Variants in AHNAK2 observed in about 807,000 individuals in gnomAD.
AHNAK2 encodes the protein protein AHNAK2.
In AHNAK2, 18 loss-of-function variants were observed where a neutral mutation model predicts 30.7. The ratio of observed to expected loss-of-function variants is 0.59; its 90% CI spans 0.41 to 0.87. AHNAK2 has a LOEUF of 0.87. Among genes scored for constraint, AHNAK2 ranks in the 40% least tolerant of loss-of-function variants. The pLI is 0.00. For missense variants in AHNAK2, 8,604 were observed against 7,373.0 expected (o/e 1.17, Z -6.11); for synonymous variants, 3,590 against 3,073.8 (o/e 1.17, Z -5.56).
Position 104,942,173 on chromosome 14 carries a change from C to T in AHNAK2, c.13278G>A (p.Leu4426=), listed in dbSNP as rs1898021341. ...CTTGGATGTCCACCTCCATGCTGGGCAGAGACACGTCCAGGTTGGGGGACG... is the reference window on the plus strand; with the variant it reads ...CTTGGATGTCCACCTCCATGCTGGGTAGAGACACGTCCAGGTTGGGGGACG... ...EVTSPNLDVS[L]PSMEVDIQAP... is the part of the protein sequence containing the mutation. The change falls in exon 7 of 7, where the codon CTG becomes CTA. Residue 4426 remains leucine (L), a synonymous_variant. Coordinates refer to ENST00000333244, the MANE Select transcript of AHNAK2 (RefSeq NM_138420.4). The T allele has an allele frequency of 6.2e-7, 1 of 1,613,060 alleles. No individual in the cohort carries two copies. The highest frequency in any genetic ancestry group is 1.7e-5 in the Admixed American group (1 of 59,940).
chr14:104,943,592 G>A lies in AHNAK2; in HGVS notation c.11859C>T (p.Asp3953=). 6.2e-7 allele frequency: 1 copy of A among 1,613,086 alleles called. No homozygotes were observed. Among genetic ancestry groups the A allele is most frequent in the Non-Finnish European group, 8.5e-7 (1 of 1,179,628 alleles). ...AKLDGARLEG[D]LSLADKDMTA... ...TCATGTCCTTGTCGGCCAGGGACAG[G>A]TCCCCCTCCAGCCGCGCACCATCCA... Residue 3953 remains aspartate, a synonymous_variant, in exon 7 of 7, where the codon GAC becomes GAT. Transcript: ENST00000333244.
chr14:104,951,751 C>T lies in AHNAK2; in HGVS notation c.3700G>A (p.Gly1234Ser). Residue 1234 changes from glycine (G) to serine (S), a missense_variant, in exon 7 of 7, where the codon GGC (glycine) becomes AGC (serine). Gly to Ser is a moderately conservative substitution (Grantham distance 56). Transcript: ENST00000333244. The part of the protein sequence containing the change: ...AGQVDVKLLE[G>S]HVPEGAGFKG... ...AAGCCGGCTCCCTCAGGCACGTGGC[C>T]CTCCAGGAGCTTCACGTCCACCTGG... 4 of 1,261,990 alleles carry T rather than the reference C, an allele frequency of 3.2e-6. 1 individual carries two copies. Among genetic ancestry groups the T allele is most frequent in the Non-Finnish European group, 2.2e-6 (2 of 891,134 alleles). The allele number at this position is 1,261,990 out of a possible 1,614,324, so 78.2% of individuals were successfully genotyped here.
At chr14:104,974,265 G>A (rs986690633) in intron 1 of AHNAK2, among the ~76,000 whole-genome samples, 2 of 152,180 alleles carry the variant, frequency 1.3e-5, no homozygotes, top group Admixed American at 6.5e-5. Context: ...TTAAGCCTCC[G>A]CTAAGCTCCC....
In AHNAK2 at chr14:104,942,132, A is replaced by C; in HGVS notation, c.13319T>G (p.Leu4440Arg). ...GTCCCCCTCCAGCCGCGTACTGTCC[A>C]GCTTGGCTCCTGGGGCTTGGATGTC... The part of the protein sequence containing the change: ...EVDIQAPGAK[L>R]DSTRLEGDLS... The change falls in exon 7 of 7, where the codon CTG (leucine) becomes CGG (arginine). Residue 4440 changes from leucine to arginine, a missense_variant. By Grantham distance (102) the Leu-to-Arg change is moderately radical. Transcript: ENST00000333244. 1 of 1,613,172 alleles carries C rather than the reference A, an allele frequency of 6.2e-7. No individual in the cohort carries two copies. Among genetic ancestry groups the C allele is most frequent in the Non-Finnish European group, 8.5e-7 (1 of 1,179,716 alleles).
chr14:104,943,554 C>T lies in AHNAK2; in HGVS notation c.11897G>A (p.Ser3966Asn), dbSNP rs1189476487. The part of the protein sequence containing the change: ...LADKDMTAKD[S>N]KFKMPKFKMP... ...CTTGAACTTGGGCATTTTGAACTTG[C>T]TGTCTTTGGCCGTCATGTCCTTGTC... Residue 3966 changes from serine (S) to asparagine (N), a missense_variant, in exon 7 of 7, where the codon AGC (serine) becomes AAC (asparagine). By Grantham distance (46) the Ser-to-Asn change is conservative. Coordinates refer to ENST00000333244, the MANE Select transcript of AHNAK2 (RefSeq NM_138420.4). 2 of 1,613,000 alleles carry T rather than the reference C, an allele frequency of 1.2e-6. No individual in the cohort carries two copies. Among genetic ancestry groups the T allele is most frequent in the African/African-American group, 2.7e-5 (2 of 74,706 alleles).
At position 104,952,491 on chromosome 14, in the gene AHNAK2, G is replaced by T; in HGVS notation, c.2960C>A (p.Ala987Asp). ...GAWLEGDLSL[A>D]DKDVTAKDSK... ...GTCTTTGGCAGTCACGTCCTTGTCG[G>T]CCAGGGACAGGTCCCCCTCCAGCCA... Residue 987 changes from alanine (A) to aspartate (D), a missense_variant, in exon 7 of 7, where the codon GCC (alanine) becomes GAC (aspartate). Physicochemically the swap from Ala to Asp is moderately radical, Grantham distance 126. Coordinates refer to ENST00000333244, the MANE Select transcript of AHNAK2 (RefSeq NM_138420.4). 6.2e-7 allele frequency: 1 copy of T among 1,612,730 alleles called. No individual in the cohort carries two copies. The highest frequency in any genetic ancestry group is 8.5e-7 in the Non-Finnish European group (1 of 1,179,622).
rs759261663 is a variant in AHNAK2, at chr14:104,938,200, T to C, written c.17251A>G (p.Ile5751Val). 6.2e-7 allele frequency: 1 copy of C among 1,613,932 alleles called. No homozygotes were observed. The highest frequency in any genetic ancestry group is 1.3e-5 in the African/African-American group (1 of 75,052). The stretch of plus-strand genomic sequence containing the variant: ...TCCAGCCCAGTGCCCACAGGCCCGA[T>C]CAGTTCACCCTCTTCCTTCTCTTCA... Reference protein sequence around the residue: ...SPEEKEEGELIGPVGTGLDSR... With the variant: ...SPEEKEEGELVGPVGTGLDSR... Residue 5751 changes from isoleucine to valine, a missense_variant, in exon 7 of 7, where the codon ATC (isoleucine) becomes GTC (valine). Transcript: ENST00000333244.
At chr14:104,956,784 C>T in intron 3 of AHNAK2, 95 bp from the exon 4 acceptor site, 2 of 1,121,160 alleles carry the variant, frequency 1.8e-6, no homozygotes, top group Middle Eastern at 2.0e-4. Context: ...GCCCTCCCTT[C>T]AGAGGGGCCC....
At chr14:104,976,226 T>C (rs1899587049) in intron 1 of AHNAK2, among the ~76,000 whole-genome samples, 1 of 151,644 alleles carries the variant, frequency 6.6e-6, no homozygotes, top group African/African-American at 2.4e-5. Context: ...CCACTGGGAG[T>C]GAACTGGCTG....
At chr14:104,958,566 T>C (rs1219264786) in intron 1 of AHNAK2, among the ~76,000 whole-genome samples, 1 of 149,462 alleles carries the variant, frequency 6.7e-6, no homozygotes, top group Non-Finnish European at 1.5e-5. Context: ...ATAAAACTTA[T>C]TTTTTAAAAG....
At position 104,952,650 on chromosome 14, in the gene AHNAK2, G is replaced by C; in HGVS notation, c.2801C>G (p.Pro934Arg). Residue 934 changes from proline (P) to arginine (R), a missense_variant, in exon 7 of 7, where the codon CCC becomes CGC. Transcript: ENST00000333244. Reference sequence around the variant, plus strand: ...CTTGGGGCCCTTAACATCTATCTGGGGGCCCTTGAGGTCCACTTTGGGCAT... The same window carrying C: ...CTTGGGGCCCTTAACATCTATCTGGCGGCCCTTGAGGTCCACTTTGGGCAT... ...FKMPKVDLKG[P>R]QIDVKGPKLD... is the part of the protein sequence containing the mutation. 1 of 1,612,254 alleles carries C rather than the reference G, an allele frequency of 6.2e-7. No individual in the cohort carries two copies. Among genetic ancestry groups the C allele is most frequent in the Non-Finnish European group, 8.5e-7 (1 of 1,179,502 alleles).
At chr14:104,955,330 C>A (rs1297603925) in intron 5 of AHNAK2, 153 bp downstream of exon 5, 2 of 1,303,752 alleles carry the variant, frequency 1.5e-6, no homozygotes, top group African/African-American at 3.0e-5. Flanking sequence ...TTACTAGATG[C>A]AGTGGGTGAT....
In AHNAK2 at chr14:104,966,322, A is replaced by G. The variant is rs1899301889; in HGVS notation, c.56-8650T>C. Among the ~76,000 whole-genome samples the G allele has an allele frequency of 6.6e-6, 1 of 151,690 alleles. No homozygotes were observed. The highest frequency in any genetic ancestry group is 2.4e-5 in the African/African-American group (1 of 41,240). On this transcript the variant is annotated intron_variant, in intron 1 of 6. Transcript: ENST00000333244. The surrounding 1 kb of genome is among the most constrained non-coding windows in gnomAD (Gnocchi z 4.3). The stretch of plus-strand genomic sequence containing the variant: ...AACCTCCGTTTCCCCCACCTGCCAA[A>G]CCAGCCTTGCCCACGGTGTCAGCCC...
rs1471221743 is a variant in AHNAK2, at chr14:104,945,900, C to T, written c.9551G>A (p.Gly3184Glu). The change falls in exon 7 of 7, where the codon GGG becomes GAG. Residue 3184 changes from glycine to glutamate, a missense_variant. Physicochemically the swap from Gly to Glu is moderately conservative, Grantham distance 98. Transcript: ENST00000333244. ...GCTGATGTCAGTGTTCTTCAGGTCC[C>T]CCTGCATGGAGGGGAGGCTCAGGTC... ...EADLSLPSMQ[G>E]DLKNTDISIE... The T allele has an allele frequency of 1.6e-6, 2 of 1,252,640 alleles. No homozygotes were observed. The highest frequency in any genetic ancestry group is 1.4e-5 in the South Asian group (1 of 72,446). The allele number at this position is 1,252,640 out of a possible 1,614,324, so 77.6% of individuals were successfully genotyped here. A position where few individuals can be genotyped will look rare whatever the true frequency, so the allele number is the denominator to read the frequency against.
At position 104,940,268 on chromosome 14, in the gene AHNAK2, T is replaced by C; in HGVS notation, c.15183A>G (p.Thr5061=). ...SATAGGSFQD[T]EKASSDGGRG... ...TACCACCGTCACTGCTGGCCTTTTC[T>C]GTGTCTTGAAAGCTACCCCCTGCTG... The change falls in exon 7 of 7, where the codon ACA becomes ACG. Residue 5061 remains threonine (T), a synonymous_variant. Coordinates refer to ENST00000333244, the MANE Select transcript of AHNAK2 (RefSeq NM_138420.4). This position sits in a 1 kb window ranked among gnomAD's most constrained non-coding sequence, Gnocchi z 4.4. The C allele has an allele frequency of 6.2e-7, 1 of 1,613,658 alleles. No homozygotes were observed. Among genetic ancestry groups the C allele is most frequent in the Non-Finnish European group, 8.5e-7 (1 of 1,179,874 alleles).
In AHNAK2 at chr14:104,950,057, G is replaced by T. The variant is rs770337465; in HGVS notation, c.5394C>A (p.Ala1798=). ...SVEVDVEAPG[A]KLDSVRLEGD... Reference sequence around the variant, plus strand: ...CCTCCAGCCGCACACTGTCCAGCTTGGCTCCTGGAGCCTCGACGTCCACCT... The same window carrying T: ...CCTCCAGCCGCACACTGTCCAGCTTTGCTCCTGGAGCCTCGACGTCCACCT... The change falls in exon 7 of 7, where the codon GCC becomes GCA. Residue 1798 remains alanine, a synonymous_variant. Coordinates refer to ENST00000333244, the MANE Select transcript of AHNAK2 (RefSeq NM_138420.4). 3.9e-5 allele frequency: 62 copies of T among 1,585,212 alleles called. 9 individuals are homozygous for T. The East Asian group carries it at 4.5e-4, about 12-fold the overall frequency.
Position 104,945,894 on chromosome 14 carries a change from A to G in AHNAK2, c.9557T>C (p.Leu3186Pro). 1 of 1,256,412 alleles carries G rather than the reference A, an allele frequency of 8.0e-7. No individual in the cohort carries two copies. The highest frequency in any genetic ancestry group is 1.1e-6 in the Non-Finnish European group (1 of 889,168). 77.8% of individuals were successfully genotyped at this position (1,256,412 alleles called of 1,614,324 possible). ...CTCAATGCTGATGTCAGTGTTCTTC[A>G]GGTCCCCCTGCATGGAGGGGAGGCT... Reference protein sequence around the residue: ...DLSLPSMQGDLKNTDISIEPP... With the variant: ...DLSLPSMQGDPKNTDISIEPP... The change falls in exon 7 of 7, where the codon CTG (leucine) becomes CCG (proline). Residue 3186 changes from leucine (L) to proline (P), a missense_variant. Leu to Pro is a moderately conservative substitution (Grantham distance 98, BLOSUM62 -3). Coordinates refer to ENST00000333244, the MANE Select transcript of AHNAK2 (RefSeq NM_138420.4).
intron 1 of AHNAK2, among the ~76,000 whole-genome samples, chr14:104,961,289 C>T (rs375554446): frequency 1.1e-4 from 17 of 151,368 alleles, no homozygotes; most frequent in African/African-American, 2.4e-4. Context: ...CCGAGGCGGG[C>T]GGATCACGAG....
rs200535803 is a variant in AHNAK2, at chr14:104,944,965, G to C, written c.10486C>G (p.Leu3496Val). 5.0e-4 allele frequency: 803 copies of C among 1,609,434 alleles called. 1 individual carries two copies. The highest frequency in any genetic ancestry group is 4.6e-3 in the African/African-American group (338 of 74,038). The change falls in exon 7 of 7, where the codon CTG becomes GTG. Residue 3496 changes from leucine to valine, a missense_variant. Transcript: ENST00000333244. Reference protein sequence around the residue: ...SAPGRSIEASLDVSAPKVEAD... With the variant: ...SAPGRSIEASVDVSAPKVEAD... ...TCCACCTTCGGCGCAGACACATCCAGCGAGGCCTCGATGGACCTGCCTGGG... is the reference window on the plus strand; with the variant it reads ...TCCACCTTCGGCGCAGACACATCCACCGAGGCCTCGATGGACCTGCCTGGG...
Sources: allele counts gnomAD v4.1 joint callset (sites outside exome capture counted in the v4.1 genomes callset), GRCh38; gene constraint gnomAD v4.1.1; non-coding constraint Gnocchi (gnomAD v3.1); transcripts MANE v1.5; gene names NCBI Gene and HGNC (gene_info 2026-07-23, HGNC 2026-07-21).